The following KCNAB1 variants were observed in gnomAD, a reference collection of about 807,000 sequenced individuals.
KCNAB1 encodes voltage-gated potassium channel subunit beta-1.
KCNAB1 carries 35 observed loss-of-function variants against 64.6 expected under a neutral mutation model. That is an observed-to-expected ratio of 0.54 (90% CI 0.41 to 0.72). KCNAB1 has a LOEUF of 0.72. Ranked by LOEUF, KCNAB1 falls within the 30% of genes least tolerant of loss-of-function variation. The pLI is 0.00. For missense variants in KCNAB1, 401 were observed against 512.9 expected, an observed-to-expected ratio of 0.78 and a Z score of 2.11; for synonymous variants, 177 against 183.8, an observed-to-expected ratio of 0.96 and a Z score of 0.30.
chr3:156,329,974 C>A (rs1410226416), intron 1 of KCNAB1, among the ~76,000 whole-genome samples: 1 of 152,102 alleles, frequency 6.6e-6, no homozygotes, highest in Non-Finnish European at 1.5e-5. Flanking sequence ...GAAAGGAATT[C>A]TGAATGAAAC....
intron 1 of KCNAB1, among the ~76,000 whole-genome samples, chr3:156,294,981 C>A (rs1203905359): frequency 6.6e-6 from 1 of 152,154 alleles, no homozygotes; most frequent in African/African-American, 2.4e-5. Flanking sequence ...ATATCAGGAA[C>A]CTCACTCAAC....
intron 1 of KCNAB1, among the ~76,000 whole-genome samples, chr3:156,260,412 G>T (rs968179875): frequency 6.6e-6 from 1 of 152,106 alleles, no homozygotes; most frequent in African/African-American, 2.4e-5. Context: ...GCTCATTCCT[G>T]TTTGCAGTTA....
chr3:156,159,077 C>G (rs1052944602), intron 1 of KCNAB1, among the ~76,000 whole-genome samples: 2 of 151,422 alleles, frequency 1.3e-5, no homozygotes, highest in African/African-American at 4.9e-5. Context: ...GTCCGCCCCC[C>G]CCTGTAATAA....
chr3:156,182,941 G>A (rs541237749), intron 1 of KCNAB1, among the ~76,000 whole-genome samples: 5 of 151,968 alleles, frequency 3.3e-5, no homozygotes, highest in South Asian at 4.2e-4. Flanking sequence ...CTCATGATTC[G>A]CCTGCCTCAG....
intron 1 of KCNAB1, among the ~76,000 whole-genome samples, chr3:156,187,502 C>A (rs1713277888): frequency 6.6e-6 from 1 of 152,206 alleles, no homozygotes; most frequent in Admixed American, 6.5e-5. Context: ...GCTTCTTGAA[C>A]TCTCCATCCC....
At chr3:156,209,222 T>C (rs939262671) in intron 1 of KCNAB1, among the ~76,000 whole-genome samples, 9 of 152,176 alleles carry the variant, frequency 5.9e-5, no homozygotes, top group African/African-American at 2.2e-4. Context: ...CAGGGAATGC[T>C]TCTGGAAGGG....
chr3:156,377,359 G>A (rs1040316733), intron 1 of KCNAB1, among the ~76,000 whole-genome samples: 10 of 152,098 alleles, frequency 6.6e-5, no homozygotes, highest in African/African-American at 1.9e-4. Flanking sequence ...AGCCCCTCCC[G>A]AGCCATGCGA....
intron 1 of KCNAB1, among the ~76,000 whole-genome samples, chr3:156,314,026 A>G (rs1329191466): frequency 1.3e-5 from 2 of 152,286 alleles, no homozygotes; most frequent in East Asian, 3.9e-4. Context: ...TAACACTCCC[A>G]TTCCACCTAT....
intron 1 of KCNAB1, among the ~76,000 whole-genome samples, chr3:156,253,966 G>A (rs1717967203): frequency 6.6e-6 from 1 of 152,048 alleles, no homozygotes; most frequent in South Asian, 2.1e-4. Context: ...GAGATGTGAG[G>A]GGAAGCTGAG....
At chr3:156,476,978 A>G (rs1714414748) in intron 8 of KCNAB1, among the ~76,000 whole-genome samples, 1 of 152,106 alleles carries the variant, frequency 6.6e-6, no homozygotes, top group Admixed American at 6.6e-5. Context: ...TGAGATTTTT[A>G]AGAATTTTGT....
At chr3:156,265,685 C>A (rs1375126329) in intron 1 of KCNAB1, among the ~76,000 whole-genome samples, 2 of 152,164 alleles carry the variant, frequency 1.3e-5, no homozygotes, top group Non-Finnish European at 2.9e-5. Context: ...AAAAGATATG[C>A]CTGTATCCTA....
At chr3:156,234,475 G>A (rs539626716) in intron 1 of KCNAB1, among the ~76,000 whole-genome samples, 1 of 152,184 alleles carries the variant, frequency 6.6e-6, no homozygotes, top group African/African-American at 2.4e-5. Context: ...GAAAGGAAGA[G>A]GAAATGGGCA....
intron 1 of KCNAB1, among the ~76,000 whole-genome samples, chr3:156,210,750 G>C (rs145382079): frequency 6.6e-6 from 1 of 152,208 alleles, no homozygotes; most frequent in African/African-American, 2.4e-5. Flanking sequence ...AGGGTTCCCT[G>C]GGAGTGGGCT....
At chr3:156,416,422 G>A (rs1715082374) in intron 1 of KCNAB1, among the ~76,000 whole-genome samples, 1 of 152,148 alleles carries the variant, frequency 6.6e-6, no homozygotes, top group African/African-American at 2.4e-5. Context: ...TGCACATGCT[G>A]TTCACTCTGT....
intron 1 of KCNAB1, among the ~76,000 whole-genome samples, chr3:156,222,046 A>G (rs957364200): frequency 1.3e-4 from 20 of 152,214 alleles, no homozygotes; most frequent in African/African-American, 4.6e-4. Flanking sequence ...GGCAACAAAA[A>G]GCATGATGAA....
chr3:156,276,082 C>T (rs1256645725), intron 1 of KCNAB1, among the ~76,000 whole-genome samples: 1 of 152,108 alleles, frequency 6.6e-6, no homozygotes, highest in African/African-American at 2.4e-5. Context: ...GTGAAAATTA[C>T]TCCTTAATCC....
At chr3:156,412,297 T>C (rs1315797904) in intron 1 of KCNAB1, among the ~76,000 whole-genome samples, 2 of 152,240 alleles carry the variant, frequency 1.3e-5, no homozygotes, top group Non-Finnish European at 2.9e-5. Context: ...GGTTTTTTTC[T>C]ACATAGACAA....
chr3:156,498,721 T>A (rs1013463864), intron 8 of KCNAB1, among the ~76,000 whole-genome samples: 4 of 152,252 alleles, frequency 2.6e-5, no homozygotes, highest in African/African-American at 9.6e-5. Context: ...TGGTTCAGTT[T>A]ACACAATTCT....
rs1469958598 is a variant in KCNAB1 at position 156,537,977 on chromosome 3, G to C, written c.*1230G>C. The C allele has an allele frequency of 6.6e-6, 1 of 152,138 alleles. No individual in the cohort carries two copies. Among genetic ancestry groups the C allele is most frequent in the Non-Finnish European group, 1.5e-5 (1 of 68,008 alleles). 9.4% of individuals were successfully genotyped at this position (152,138 alleles called of 1,614,324 possible). A position where few individuals can be genotyped will look rare whatever the true frequency, so the allele number is the denominator to read the frequency against. On this transcript the variant is annotated 3_prime_UTR_variant, in exon 14 of 14. Coordinates refer to ENST00000490337, the MANE Select transcript of KCNAB1 (RefSeq NM_172160.3). The stretch of plus-strand genomic sequence containing the variant: ...TCATATTATATGCACTAAACTATAT[G>C]CATGAAAGTTCTTTGCATGGATTAA...
Sources: gnomAD v4.1 joint callset for allele counts (sites outside exome capture counted in the v4.1 genomes callset) on GRCh38, gnomAD v4.1.1 for gene constraint, MANE v1.5 for transcripts, NCBI Gene and HGNC (gene_info 2026-07-23, HGNC 2026-07-21) for gene names.